The following NOP53 variants were observed in gnomAD, a reference collection of about 807,000 sequenced individuals.
NOP53 encodes the protein NOP53 ribosome biogenesis factor.
NOP53 carries 40 observed loss-of-function variants against 61.0 expected under a neutral mutation model. That is an observed-to-expected ratio of 0.66 (90% CI 0.51 to 0.85). The LOEUF (loss-of-function observed/expected upper bound fraction) is 0.85, where lower values mean the gene tolerates loss of function less well. Ranked by LOEUF, NOP53 falls within the 40% of genes least tolerant of loss-of-function variation. The probability of loss-of-function intolerance (pLI) is 0.00; values close to 1 mark genes in which losing one functional copy is unlikely to be tolerated. For synonymous variants in NOP53, 308 were observed against 289.5 expected, an observed-to-expected ratio of 1.06 and a Z score of -0.65; for missense variants, 689 against 652.9, an observed-to-expected ratio of 1.06 and a Z score of -0.60.
Position 47,756,734 on chromosome 19 carries a change from C to T in NOP53, c.1420C>T (p.Arg474Cys), listed in dbSNP as rs749617639. The part of the protein sequence containing the change: ...KVKLVEKRAF[R>C]EIQL Reference sequence around the variant, plus strand: ...GAAGCTGGTGGAGAAGCGGGCGTTCCGTGAGATCCAGTGAGTCCACCCGGC... The same window carrying T: ...GAAGCTGGTGGAGAAGCGGGCGTTCTGTGAGATCCAGTGAGTCCACCCGGC... The change falls in exon 12 of 13, where the codon CGT becomes TGT. Residue 474 changes from arginine to cysteine, a missense_variant. Coordinates refer to ENST00000246802, the MANE Select transcript of NOP53 (RefSeq NM_015710.5). The T allele has an allele frequency of 2.1e-5, 34 of 1,613,372 alleles. No individual in the cohort carries two copies. Among genetic ancestry groups the T allele is most frequent in the African/African-American group, 1.3e-4 (10 of 74,916 alleles).
intron 2 of NOP53, among the ~76,000 whole-genome samples, chr19:47,748,099 A>G (rs1372640690): frequency 1.4e-4 from 21 of 151,698 alleles, no homozygotes; most frequent in Admixed American, 1.4e-3. Flanking sequence ...TAATTTCTGT[A>G]TTTTTAGTAG....
In NOP53 at chr19:47,745,570, G is replaced by A. The variant is rs774393641; in HGVS notation, c.11G>A (p.Gly4Glu). MAA[G>E]GSGVGGKRSS... is the part of the protein sequence containing the mutation. ...TCTTCCTTTGACAAGATGGCGGCAGGAGGCAGTGGCGTTGGTGGGAAGCGC... is the reference window on the plus strand; with the variant it reads ...TCTTCCTTTGACAAGATGGCGGCAGAAGGCAGTGGCGTTGGTGGGAAGCGC... The change falls in exon 1 of 13, where the codon GGA becomes GAA. Residue 4 changes from glycine (G) to glutamate (E), a missense_variant. Gly to Glu is a moderately conservative substitution (Grantham distance 98, BLOSUM62 -2). Coordinates refer to ENST00000246802, the MANE Select transcript of NOP53 (RefSeq NM_015710.5). The A allele has an allele frequency of 2.6e-5, 42 of 1,613,566 alleles. No homozygotes were observed. Among genetic ancestry groups the A allele is most frequent in the Non-Finnish European group, 3.6e-5 (42 of 1,179,856 alleles).
intron 5 of NOP53, among the ~76,000 whole-genome samples, chr19:47,751,859 C>T (rs577255873): frequency 5.3e-5 from 8 of 152,172 alleles, no homozygotes; most frequent in Admixed American, 1.3e-4. Context: ...CCCAGCACTT[C>T]GGGAGGCCGA....
chr19:47,747,768 T>C (rs191179700), intron 2 of NOP53, among the ~76,000 whole-genome samples: 2,012 of 145,540 alleles, frequency 0.014, 50 homozygotes, highest in African/African-American at 0.049. Context: ...TTTCTTTTCT[T>C]TTCTCTCTCT....
rs912104306 is a variant in NOP53 at position 47,746,802 on chromosome 19, A to G, written c.225-165A>G. 4.3e-5 allele frequency: 25 copies of G among 582,428 alleles called. No homozygotes were observed. The African/African-American group carries it at 4.6e-4, about 11-fold the overall frequency. The allele number at this position is 582,428 out of a possible 1,614,324, so 36.1% of individuals were successfully genotyped here. On this transcript the variant is annotated intron_variant, in intron 1 of 12. Coordinates refer to ENST00000246802, the MANE Select transcript of NOP53 (RefSeq NM_015710.5). The stretch of plus-strand genomic sequence containing the variant: ...ACAGGCGTGAGCCACTGCGCCTGGC[A>G]GTCCTTCCTAAATACTAAGTTCTGT...
At chr19:47,755,689 G>T in intron 9 of NOP53, 67 bp from the exon 10 acceptor site, 2 of 1,455,446 alleles carry the variant, frequency 1.4e-6, no homozygotes, top group South Asian at 2.4e-5. Flanking sequence ...CTCCAGGAGG[G>T]GGCTTTGGAC....
Position 47,752,513 on chromosome 19 carries a change from G to T in NOP53, c.671G>T (p.Arg224Leu). The change falls in exon 6 of 13, where the codon CGG becomes CTG. Residue 224 changes from arginine to leucine, a missense_variant and splice_region_variant. Coordinates refer to ENST00000246802, the MANE Select transcript of NOP53 (RefSeq NM_015710.5). ...LEQTKKKGVKRPARLHTKPSQ... is the reference protein window; with the variant it reads ...LEQTKKKGVKLPARLHTKPSQ... ...CCTGCCTCGGCCTTTTCTCCACAGCGGCCAGCACGCCTGCACACCAAGCCG... is the reference window on the plus strand; with the variant it reads ...CCTGCCTCGGCCTTTTCTCCACAGCTGCCAGCACGCCTGCACACCAAGCCG... 1 of 1,597,098 alleles carries T rather than the reference G, an allele frequency of 6.3e-7. No individual in the cohort carries two copies.
intron 9 of NOP53, 64 bp from the exon 10 acceptor site, chr19:47,755,692 C>A: frequency 6.8e-7 from 1 of 1,468,870 alleles, no homozygotes; most frequent in Non-Finnish European, 9.3e-7. Flanking sequence ...CAGGAGGGGG[C>A]TTTGGACTGG....
intron 2 of NOP53, among the ~76,000 whole-genome samples, chr19:47,749,662 A>G (rs1268099080): frequency 1.3e-5 from 2 of 152,172 alleles, no homozygotes; most frequent in African/African-American, 4.8e-5. Flanking sequence ...ACTAGAAGTT[A>G]TGCTGAGAAG....
Position 47,751,048 on chromosome 19 carries a change from C to G in NOP53, c.539C>G (p.Ala180Gly), listed in dbSNP as rs976790858. 27 of 1,607,692 alleles carry G rather than the reference C, an allele frequency of 1.7e-5. No individual in the cohort carries two copies. The highest frequency in any genetic ancestry group is 2.1e-5 in the Non-Finnish European group (25 of 1,177,950). Residue 180 changes from alanine (A) to glycine (G), a missense_variant, in exon 4 of 13, where the codon GCC becomes GGC. Transcript: ENST00000246802. ...ARLLNPSATRAKPGPQDTVER... is the reference protein window; with the variant it reads ...ARLLNPSATRGKPGPQDTVER... ...CTCCTCAACCCTTCTGCAACAAGGGCCAAGCCCGGGCCCCAGGACACCGTA... is the reference window on the plus strand; with the variant it reads ...CTCCTCAACCCTTCTGCAACAAGGGGCAAGCCCGGGCCCCAGGACACCGTA...
chr19:47,752,159 C>T lies in NOP53; in HGVS notation c.670-353C>T, dbSNP rs147712933. Among the ~76,000 whole-genome samples, 603 of 152,020 alleles carry T rather than the reference C, an allele frequency of 4.0e-3. 16 individuals are homozygous for T. The South Asian group carries it at 0.054, about 14-fold the overall frequency. On this transcript the variant is annotated intron_variant, in intron 5 of 12. Coordinates refer to ENST00000246802, the MANE Select transcript of NOP53 (RefSeq NM_015710.5). ...ATGAAATTGTACTTAGATCATGGGT[C>T]GGTGGGGAGAATGTAAAGAGGTAGC...
In NOP53 at chr19:47,751,047, G is replaced by A; in HGVS notation, c.538G>A (p.Ala180Thr). Reference sequence around the variant, plus strand: ...GCTCCTCAACCCTTCTGCAACAAGGGCCAAGCCCGGGCCCCAGGACACCGT... The same window carrying A: ...GCTCCTCAACCCTTCTGCAACAAGGACCAAGCCCGGGCCCCAGGACACCGT... ...ARLLNPSATRAKPGPQDTVER... is the reference protein window; with the variant it reads ...ARLLNPSATRTKPGPQDTVER... The change falls in exon 4 of 13, where the codon GCC (alanine) becomes ACC (threonine). Residue 180 changes from alanine to threonine, a missense_variant. Ala to Thr is a moderately conservative substitution (Grantham distance 58). Coordinates refer to ENST00000246802, the MANE Select transcript of NOP53 (RefSeq NM_015710.5). The A allele has an allele frequency of 1.2e-6, 2 of 1,607,686 alleles. No individual in the cohort carries two copies. Among genetic ancestry groups the A allele is most frequent in the South Asian group, 1.1e-5 (1 of 89,522 alleles).
Position 47,754,912 on chromosome 19 carries a change from G to T in NOP53, c.1053+21G>T. On this transcript the variant is annotated intron_variant, in intron 8 of 12. Coordinates refer to ENST00000246802, the MANE Select transcript of NOP53 (RefSeq NM_015710.5). The surrounding 1 kb of genome is among the most constrained non-coding windows in gnomAD (Gnocchi z 4.2). ...GGCTGGTGAGCGCCTGGGCCAGCGG[G>T]GCCTGCCTCTGATGCCTCGCCCCCT... 6.7e-7 allele frequency: 1 copy of T among 1,487,316 alleles called. No individual in the cohort carries two copies. The highest frequency in any genetic ancestry group is 8.9e-7 in the Non-Finnish European group (1 of 1,129,654). 92.1% of individuals were successfully genotyped at this position (1,487,316 alleles called of 1,614,324 possible). A position where few individuals can be genotyped will look rare whatever the true frequency, so the allele number is the denominator to read the frequency against.
intron 3 of NOP53, 68 bp from the exon 4 acceptor site, chr19:47,750,840 G>A: frequency 7.4e-7 from 1 of 1,350,932 alleles, no homozygotes; most frequent in Non-Finnish European, 1.0e-6. Flanking sequence ...GCCCGACGGG[G>A]AGGAGGCCCT....
chr19:47,756,890 C>T (rs957747073), intron 12 of NOP53, 109 bp from the exon 13 acceptor site: 25 of 1,535,274 alleles, frequency 1.6e-5, no homozygotes, highest in Middle Eastern at 1.7e-4. Context: ...GAAACCAGAG[C>T]GGGGTTGGGA....
At chr19:47,746,242 G>C (rs1433639374) in intron 1 of NOP53, 1 of 153,892 alleles carries the variant, frequency 6.5e-6, no homozygotes, top group South Asian at 1.9e-4. Context: ...GGCTGGAGTA[G>C]GCGCGATCTC....
In NOP53 at chr19:47,754,735, G is replaced by T. The variant is rs752424378; in HGVS notation, c.897G>T (p.Glu299Asp). ...AGTCCACATTCCAGGAGCTGTGCGA[G>T]GGGCTGCTGGAGGAGTCGGATGGTG... ...TQESTFQELC[E>D]GLLEESDGEG... Residue 299 changes from glutamate to aspartate, a missense_variant, in exon 8 of 13, where the codon GAG becomes GAT. Coordinates refer to ENST00000246802, the MANE Select transcript of NOP53 (RefSeq NM_015710.5). This position sits in a 1 kb window ranked among gnomAD's most constrained non-coding sequence, Gnocchi z 4.2. 2.6e-6 allele frequency: 4 copies of T among 1,529,698 alleles called. No individual in the cohort carries two copies. Among genetic ancestry groups the T allele is most frequent in the Non-Finnish European group, 3.5e-6 (4 of 1,134,022 alleles). The allele number at this position is 1,529,698 out of a possible 1,614,324, so 94.8% of individuals were successfully genotyped here.
intron 6 of NOP53, 117 bp downstream of exon 6, chr19:47,752,724 G>T (rs553321874): frequency 4.4e-6 from 3 of 680,766 alleles, no homozygotes; most frequent in Middle Eastern, 2.4e-4. Flanking sequence ...GGGCCTGTCC[G>T]CAACGGGGCT....
chr19:47,752,513 G>A lies in NOP53; in HGVS notation c.671G>A (p.Arg224Gln), dbSNP rs143683088. The A allele has an allele frequency of 3.7e-5, 59 of 1,597,100 alleles. No individual in the cohort carries two copies. The African/African-American group carries it at 6.9e-4, about 19-fold the overall frequency. The change falls in exon 6 of 13, where the codon CGG (arginine) becomes CAG (glutamine). Residue 224 changes from arginine (R) to glutamine (Q), a missense_variant and splice_region_variant. Coordinates refer to ENST00000246802, the MANE Select transcript of NOP53 (RefSeq NM_015710.5). The part of the protein sequence containing the change: ...LEQTKKKGVK[R>Q]PARLHTKPSQ... Reference sequence around the variant, plus strand: ...CCTGCCTCGGCCTTTTCTCCACAGCGGCCAGCACGCCTGCACACCAAGCCG... The same window carrying A: ...CCTGCCTCGGCCTTTTCTCCACAGCAGCCAGCACGCCTGCACACCAAGCCG...
Sources: allele counts gnomAD v4.1 joint callset (sites outside exome capture counted in the v4.1 genomes callset), GRCh38; gene constraint gnomAD v4.1.1; non-coding constraint Gnocchi (gnomAD v3.1); transcripts MANE v1.5; gene names NCBI Gene and HGNC (gene_info 2026-07-23, HGNC 2026-07-21).